Variants in TTC7B observed in about 807,000 individuals in gnomAD.
TTC7B encodes tetratricopeptide repeat protein 7B.
A neutral mutation model predicts 106.8 loss-of-function variants in TTC7B; 28 were observed. The observed-to-expected ratio is 0.26, with a 90% CI of 0.19 to 0.36. TTC7B has a LOEUF of 0.36. Among genes scored for constraint, TTC7B ranks in the 10% least tolerant of loss-of-function variants. TTC7B has a pLI of 1.00. For missense variants in TTC7B, 862 were observed against 1,076.4 expected (o/e 0.80, Z 2.79); for synonymous variants, 405 against 430.6 (o/e 0.94, Z 0.74).
intron 3 of TTC7B, among the ~76,000 whole-genome samples, chr14:90,745,238 G>A (rs1376569791): frequency 1.3e-5 from 2 of 148,570 alleles, no homozygotes; most frequent in East Asian, 3.9e-4. Context: ...TGAGACTGCA[G>A]TGAGCCATGA....
rs991324697 is a variant in TTC7B at position 90,575,839 on chromosome 14, G to A, written c.2310+2267C>T. Among the ~76,000 whole-genome samples the A allele has an allele frequency of 2.6e-5, 4 of 152,128 alleles. No homozygotes were observed. Among genetic ancestry groups the A allele is most frequent in the Non-Finnish European group, 1.5e-5 (1 of 68,026 alleles). ...ATCTGGATGGTTTTTCAATATCTCA[G>A]GATCCACGGAGAGAGGTTTTAATAG... On this transcript the variant is annotated intron_variant, in intron 19 of 19. Coordinates refer to ENST00000328459, the MANE Select transcript of TTC7B (RefSeq NM_001010854.2). The surrounding 1 kb of genome is among the most constrained non-coding windows in gnomAD (Gnocchi z 5.2).
At position 90,532,690 on chromosome 14, in the gene TTC7B, T is replaced by A. The variant is rs1889314598; in HGVS notation, c.*8678A>T. The A allele has an allele frequency of 6.6e-6, 1 of 152,170 alleles. No homozygotes were observed. The highest frequency in any genetic ancestry group is 2.1e-4 in the South Asian group (1 of 4,822). The allele number at this position is 152,170 out of a possible 1,614,324, so 9.4% of individuals were successfully genotyped here. On this transcript the variant is annotated 3_prime_UTR_variant, in exon 20 of 20. Coordinates refer to ENST00000328459, the MANE Select transcript of TTC7B (RefSeq NM_001010854.2). The stretch of plus-strand genomic sequence containing the variant: ...CTCTGTTTGGGGTCTGTCTTCCCAG[T>A]CCCCAATAAGACCACCAGCTCCCCA...
chr14:90,686,993 AT>A (rs398057374), intron 7 of TTC7B, among the ~76,000 whole-genome samples: 232 of 140,628 alleles, frequency 1.6e-3, no homozygotes, highest in Middle Eastern at 3.7e-3. Flanking sequence ...CCAGCTGCCT[AT>A]TTTTTTTTTT....
chr14:90,603,423 C>G, intron 17 of TTC7B: 6 of 586,624 alleles, frequency 1.0e-5, no homozygotes, highest in Non-Finnish European at 1.6e-5. Context: ...GTCTGGCTGT[C>G]TAGAATCATA....
At chr14:90,686,961 C>G (rs1887272035) in intron 7 of TTC7B, among the ~76,000 whole-genome samples, 1 of 149,896 alleles carries the variant, frequency 6.7e-6, no homozygotes, top group Non-Finnish European at 1.5e-5. Context: ...TCTACAAATT[C>G]AATGCAATTC....
intron 5 of TTC7B, among the ~76,000 whole-genome samples, chr14:90,726,672 A>C (rs1454459901): frequency 2.0e-5 from 3 of 152,188 alleles, no homozygotes; most frequent in Non-Finnish European, 4.4e-5. Flanking sequence ...TGAGACTCAG[A>C]GGAAGAAAGG....
intron 17 of TTC7B, among the ~76,000 whole-genome samples, chr14:90,607,527 G>A (rs942723848): frequency 5.9e-5 from 9 of 152,204 alleles, no homozygotes; most frequent in Admixed American, 2.6e-4. Flanking sequence ...TTCTGATCTC[G>A]GATAAGTTCC....
At chr14:90,814,455 G>A (rs567444104) in intron 1 of TTC7B, among the ~76,000 whole-genome samples, 3 of 152,204 alleles carry the variant, frequency 2.0e-5, no homozygotes, top group African/African-American at 7.2e-5. Context: ...CAGGGTGAGG[G>A]CATAAGGGCA....
intron 19 of TTC7B, among the ~76,000 whole-genome samples, chr14:90,548,944 G>A (rs889844179): frequency 3.9e-5 from 6 of 151,968 alleles, no homozygotes; most frequent in Non-Finnish European, 5.9e-5. Context: ...TGGCTAACAC[G>A]GTGAAACCCT....
rs1438224628 is a variant in TTC7B, at chr14:90,600,698, C to T, written c.1967-7072G>A. Among the ~76,000 whole-genome samples, 4 of 152,164 alleles carry T rather than the reference C, an allele frequency of 2.6e-5. No individual in the cohort carries two copies. Among genetic ancestry groups the T allele is most frequent in the South Asian group, 4.1e-4 (2 of 4,838 alleles). The stretch of plus-strand genomic sequence containing the variant: ...ATCACCGGTGGGCATGCGGGGCTAG[C>T]GCAGCATGCTGCTGGTGGGTGCTGG... On this transcript the variant is annotated intron_variant, in intron 17 of 19. Coordinates refer to ENST00000328459, the MANE Select transcript of TTC7B (RefSeq NM_001010854.2). This position sits in a 1 kb window ranked among gnomAD's most constrained non-coding sequence, Gnocchi z 4.3.
At chr14:90,710,595 T>C (rs1050148718) in intron 5 of TTC7B, among the ~76,000 whole-genome samples, 4 of 152,198 alleles carry the variant, frequency 2.6e-5, no homozygotes, top group African/African-American at 7.2e-5. Context: ...GTACACTTCA[T>C]TGTTGTCTTA....
rs1374047121 is a variant in TTC7B at position 90,537,139 on chromosome 14, AAG to A, written c.*4227_*4228del. 2 of 152,224 alleles carry A rather than the reference AAG, an allele frequency of 1.3e-5. No homozygotes were observed. The highest frequency in any genetic ancestry group is 4.8e-5 in the African/African-American group (2 of 41,464). The allele number at this position is 152,224 out of a possible 1,614,324, so 9.4% of individuals were successfully genotyped here. A position where few individuals can be genotyped will look rare whatever the true frequency, so the allele number is the denominator to read the frequency against. On this transcript the variant is annotated 3_prime_UTR_variant, in exon 20 of 20. Transcript: ENST00000328459. ...GATTTGACTTCTGACCTCCAAAACA[AAG>A]AGAATAAATTTGTGTTAAGACGCTA... is the stretch of plus-strand genomic sequence containing the variant.
intron 3 of TTC7B, among the ~76,000 whole-genome samples, chr14:90,770,950 A>C (rs1369239877): frequency 6.6e-6 from 1 of 152,232 alleles, no homozygotes; most frequent in East Asian, 1.9e-4. Flanking sequence ...AATCACAAAA[A>C]GGCAAATACC....
At chr14:90,681,196 C>G (rs1401668647) in intron 7 of TTC7B, among the ~76,000 whole-genome samples, 1 of 152,166 alleles carries the variant, frequency 6.6e-6, no homozygotes, top group Non-Finnish European at 1.5e-5. Flanking sequence ...GAACCCCAAT[C>G]TGTATTCTCT....
At chr14:90,800,901 G>C (rs2030223360) in intron 1 of TTC7B, among the ~76,000 whole-genome samples, 1 of 151,386 alleles carries the variant, frequency 6.6e-6, no homozygotes. Flanking sequence ...GAAGGAGGAA[G>C]GCAGCCAGGC....
intron 18 of TTC7B, among the ~76,000 whole-genome samples, chr14:90,579,789 A>C (rs1210554832): frequency 3.3e-5 from 5 of 152,206 alleles, no homozygotes; most frequent in Non-Finnish European, 7.3e-5. Flanking sequence ...ACTCCGTCTG[A>C]AAAACAAAAC....
chr14:90,712,923 T>A (rs748886023), intron 5 of TTC7B, among the ~76,000 whole-genome samples: 1 of 152,160 alleles, frequency 6.6e-6, no homozygotes, highest in Non-Finnish European at 1.5e-5. Flanking sequence ...AAGACAGACA[T>A]ACAGATCAAT....
At chr14:90,633,293 G>C (rs948824013) in intron 15 of TTC7B, among the ~76,000 whole-genome samples, 4 of 152,208 alleles carry the variant, frequency 2.6e-5, no homozygotes, top group African/African-American at 9.6e-5. Context: ...ATGAATAGGA[G>C]TGAGTATATG....
intron 1 of TTC7B, among the ~76,000 whole-genome samples, chr14:90,796,878 C>T (rs531749031): frequency 2.7e-5 from 4 of 150,438 alleles, no homozygotes; most frequent in Admixed American, 6.6e-5. Flanking sequence ...GAGACAGTCT[C>T]GCTCTGTCAC....
Sources: gnomAD v4.1 joint callset for allele counts (sites outside exome capture counted in the v4.1 genomes callset) on GRCh38, gnomAD v4.1.1 for gene constraint, Gnocchi (gnomAD v3.1) non-coding constraint, MANE v1.5 for transcripts, NCBI Gene and HGNC (gene_info 2026-07-23, HGNC 2026-07-21) for gene names.